The following RPS6KA2 variants were observed in gnomAD, a reference collection of about 807,000 sequenced individuals.
RPS6KA2 encodes the protein ribosomal protein S6 kinase alpha-2.
RPS6KA2 carries 42 observed loss-of-function variants against 91.8 expected under a neutral mutation model. The ratio of observed to expected loss-of-function variants is 0.46; its 90% CI spans 0.36 to 0.59. The LOEUF (loss-of-function observed/expected upper bound fraction) is 0.59, where lower values mean the gene tolerates loss of function less well. Ranked by LOEUF, RPS6KA2 falls within the 20% of genes least tolerant of loss-of-function variation. The pLI is 0.00. For missense variants in RPS6KA2, 798 were observed against 978.5 expected, an observed-to-expected ratio of 0.82 and a Z score of 2.46; for synonymous variants, 414 against 393.6, an observed-to-expected ratio of 1.05 and a Z score of -0.61.
intron 10 of RPS6KA2, among the ~76,000 whole-genome samples, chr6:166,486,230 G>T (rs1452111140): frequency 6.6e-6 from 1 of 151,872 alleles, no homozygotes; most frequent in East Asian, 1.9e-4. Flanking sequence ...GTTCCTCTAA[G>T]CCATGAACCC....
chr6:166,780,813 T>C (rs576679640), intron 2 of RPS6KA2, among the ~76,000 whole-genome samples: 5 of 152,164 alleles, frequency 3.3e-5, no homozygotes, highest in South Asian at 4.2e-4. Context: ...GTCTGCAACA[T>C]TGCAAGTCAG....
chr6:166,455,935 T>C (rs1252829957), intron 12 of RPS6KA2, among the ~76,000 whole-genome samples: 1 of 152,236 alleles, frequency 6.6e-6, no homozygotes, highest in Non-Finnish European at 1.5e-5. Context: ...GAGCTTATTC[T>C]GGGGAATCCG....
At chr6:166,516,493 A>G (rs1368258862) in intron 3 of RPS6KA2, among the ~76,000 whole-genome samples, 1 of 152,224 alleles carries the variant, frequency 6.6e-6, no homozygotes, top group Non-Finnish European at 1.5e-5. Flanking sequence ...TAGGATGATT[A>G]AACAACAAGC....
chr6:166,662,986 A>G lies in RPS6KA2; in HGVS notation c.124-124202T>C, dbSNP rs894160690. ...GCCATCTGCAAGCAAGAGGAGAGCC[A>G]CGGAAGACACCAGCCCCACCAAGAC... On this transcript the variant is annotated intron_variant, in intron 2 of 21. Transcript: ENST00000503859. This position sits in a 1 kb window ranked among gnomAD's most constrained non-coding sequence, Gnocchi z 4.3. Among the ~76,000 whole-genome samples, 1 of 152,148 alleles carries G rather than the reference A, an allele frequency of 6.6e-6. No individual in the cohort carries two copies. Among genetic ancestry groups the G allele is most frequent in the Non-Finnish European group, 1.5e-5 (1 of 68,020 alleles).
chr6:166,617,905 A>G (rs918228352), intron 1 of RPS6KA2, among the ~76,000 whole-genome samples: 3 of 152,218 alleles, frequency 2.0e-5, no homozygotes, highest in Non-Finnish European at 4.4e-5. Flanking sequence ...TTTTAGCGGC[A>G]CAGACCACAA....
rs970489735 is a variant in RPS6KA2 at position 166,495,032 on chromosome 6, G to A, written c.747+3476C>T. On this transcript the variant is annotated intron_variant, in intron 8 of 20. Transcript: ENST00000265678. This position sits in a 1 kb window ranked among gnomAD's most constrained non-coding sequence, Gnocchi z 4.4. Reference sequence around the variant, plus strand: ...ACCCACGGACGTGTGGGAAGCGTGGGGCCTCCACAGTCAAGACCTTTGCCT... The same window carrying A: ...ACCCACGGACGTGTGGGAAGCGTGGAGCCTCCACAGTCAAGACCTTTGCCT... 6.6e-6 allele frequency among the ~76,000 whole-genome samples: 1 copy of A among 152,162 alleles called. No homozygotes were observed. Among genetic ancestry groups the A allele is most frequent in the African/African-American group, 2.4e-5 (1 of 41,442 alleles).
chr6:166,507,895 C>T (rs373981263), intron 5 of RPS6KA2, among the ~76,000 whole-genome samples: 9 of 147,704 alleles, frequency 6.1e-5, no homozygotes, highest in East Asian at 6.0e-4. Flanking sequence ...CCCCCACACA[C>T]GCACTCAAAC....
chr6:166,482,386 C>T lies in RPS6KA2; in HGVS notation c.907+6447G>A, dbSNP rs577701909. Among the ~76,000 whole-genome samples, 16 of 152,334 alleles carry T rather than the reference C, an allele frequency of 1.1e-4. No individual in the cohort carries two copies. The South Asian group carries it at 2.3e-3, about 22-fold the overall frequency. On this transcript the variant is annotated intron_variant, in intron 10 of 20. Transcript: ENST00000265678. ...CAAATGTGCTCCAAATCTGGGCCCT[C>T]GGTGACTGCAGAGATGCCACCCTTT...
intron 11 of RPS6KA2, among the ~76,000 whole-genome samples, chr6:166,464,472 C>A (rs1054267120): frequency 2.0e-5 from 3 of 152,174 alleles, no homozygotes; most frequent in Non-Finnish European, 2.9e-5. Flanking sequence ...GGTCTAGGCC[C>A]TGGACAGAGT....
chr6:166,674,914 C>A (rs564758135), intron 2 of RPS6KA2, among the ~76,000 whole-genome samples: 12 of 152,314 alleles, frequency 7.9e-5, no homozygotes, highest in African/African-American at 2.6e-4. Context: ...GGTGATCCAC[C>A]CACCTGGGCC....
intron 10 of RPS6KA2, among the ~76,000 whole-genome samples, chr6:166,475,496 C>A (rs1409434727): frequency 6.6e-6 from 1 of 152,200 alleles, no homozygotes; most frequent in Non-Finnish European, 1.5e-5. Context: ...GCCCCTCCCC[C>A]CACACCCCGT....
At chr6:166,850,179 G>A (rs1425535556) in intron 2 of RPS6KA2, among the ~76,000 whole-genome samples, 1 of 150,820 alleles carries the variant, frequency 6.6e-6, no homozygotes, top group Non-Finnish European at 1.5e-5. Context: ...GCTCTCAGCT[G>A]CATGTACATT....
rs1779382345 is a variant in RPS6KA2, at chr6:166,437,787, CAGG to C, written c.1333-5300_1333-5298del. Among the ~76,000 whole-genome samples, 2 of 152,158 alleles carry C rather than the reference CAGG, an allele frequency of 1.3e-5. No homozygotes were observed. Among genetic ancestry groups the C allele is most frequent in the African/African-American group, 4.8e-5 (2 of 41,438 alleles). ...CATTCCTGCTGGCCGAAGGCGACAA[CAGG>C]AGACTTCGCTGCTCTTGATAACACC... On this transcript the variant is annotated intron_variant, in intron 14 of 20. Coordinates refer to ENST00000265678, the MANE Select transcript of RPS6KA2 (RefSeq NM_021135.6). This position sits in a 1 kb window ranked among gnomAD's most constrained non-coding sequence, Gnocchi z 4.3.
Position 166,603,739 on chromosome 6 carries a change from G to A in RPS6KA2, c.99+23182C>T, listed in dbSNP as rs972261926. Among the ~76,000 whole-genome samples the A allele has an allele frequency of 2.0e-5, 3 of 152,204 alleles. No individual in the cohort carries two copies. The highest frequency in any genetic ancestry group is 7.2e-5 in the African/African-American group (3 of 41,452). On this transcript the variant is annotated intron_variant, in intron 1 of 20. Coordinates refer to ENST00000265678, the MANE Select transcript of RPS6KA2 (RefSeq NM_021135.6). The surrounding 1 kb of genome is among the most constrained non-coding windows in gnomAD (Gnocchi z 4.3). ...GCACAGGAAGGATACTGAATATTGCGAGGTTGCAGAAGGGAGGCCAGGGAA... is the reference window on the plus strand; with the variant it reads ...GCACAGGAAGGATACTGAATATTGCAAGGTTGCAGAAGGGAGGCCAGGGAA...
chr6:166,722,730 G>T (rs1790215107), intron 2 of RPS6KA2, among the ~76,000 whole-genome samples: 1 of 152,228 alleles, frequency 6.6e-6, no homozygotes, highest in South Asian at 2.1e-4. Context: ...CTTGATACAC[G>T]TGCTTCTCCA....
Position 166,423,143 on chromosome 6 carries a change from C to G in RPS6KA2, c.1743+113G>C, listed in dbSNP as rs1231273392. 2 of 1,115,274 alleles carry G rather than the reference C, an allele frequency of 1.8e-6. No individual in the cohort carries two copies. The highest frequency in any genetic ancestry group is 1.6e-5 in the African/African-American group (1 of 63,576). 69.1% of individuals were successfully genotyped at this position (1,115,274 alleles called of 1,614,324 possible). On this transcript the variant is annotated intron_variant, in intron 17 of 20. Coordinates refer to ENST00000265678, the MANE Select transcript of RPS6KA2 (RefSeq NM_021135.6). This position sits in a 1 kb window ranked among gnomAD's most constrained non-coding sequence, Gnocchi z 4.8. ...TTCTGTTTCCCAACACCACTGCTGA[C>G]GCAGCTCAAGCCGCCTCTGACATCC... is the stretch of plus-strand genomic sequence containing the variant.
rs753277920 is a variant in RPS6KA2 at position 166,500,856 on chromosome 6, C to T, written c.604+31G>A. 1 of 1,607,234 alleles carries T rather than the reference C, an allele frequency of 6.2e-7. No homozygotes were observed. The highest frequency in any genetic ancestry group is 1.7e-5 in the Admixed American group (1 of 60,000). ...CAAAGGTACCAGGGCTGAGATGAAG[C>T]CATGGAGGGGGCCTGCCGTCTTTTA... is the stretch of plus-strand genomic sequence containing the variant. On this transcript the variant is annotated intron_variant, in intron 7 of 20. Transcript: ENST00000265678. This position sits in a 1 kb window ranked among gnomAD's most constrained non-coding sequence, Gnocchi z 4.3.
At chr6:166,598,162 A>T (rs930166737) in intron 1 of RPS6KA2, among the ~76,000 whole-genome samples, 5 of 152,176 alleles carry the variant, frequency 3.3e-5, no homozygotes, top group Admixed American at 6.5e-5. Flanking sequence ...CTCAGGAGAG[A>T]GCGGGGAGAA....
intron 2 of RPS6KA2, among the ~76,000 whole-genome samples, chr6:166,697,849 G>A (rs565481906): frequency 6.6e-6 from 1 of 152,210 alleles, no homozygotes; most frequent in Non-Finnish European, 1.5e-5. Context: ...TGGAACAGAA[G>A]GCATGTCTGC....
Sources: allele counts gnomAD v4.1 joint callset (sites outside exome capture counted in the v4.1 genomes callset), GRCh38; gene constraint gnomAD v4.1.1; non-coding constraint Gnocchi (gnomAD v3.1); transcripts MANE v1.5; gene names NCBI Gene and HGNC (gene_info 2026-07-23, HGNC 2026-07-21).